EPB41L4A: variants seen among roughly 807,000 people sequenced by gnomAD.
EPB41L4A encodes erythrocyte membrane protein band 4.1 like 4A.
EPB41L4A carries 100 observed loss-of-function variants against 108.6 expected under a neutral mutation model. That is an observed-to-expected ratio of 0.92 (90% CI 0.78 to 1.09). EPB41L4A has a LOEUF of 1.09. Ranked by LOEUF, EPB41L4A falls within the 50% of genes least tolerant of loss-of-function variation. The probability of loss-of-function intolerance (pLI) is 0.00; values close to 1 mark genes in which losing one functional copy is unlikely to be tolerated. For synonymous variants in EPB41L4A, 319 were observed against 289.0 expected (o/e 1.10, Z -1.05); for missense variants, 1,030 against 842.7 (o/e 1.22, Z -2.75).
intron 17 of EPB41L4A, among the ~76,000 whole-genome samples, chr5:112,192,570 T>C (rs1761758332): frequency 6.6e-6 from 1 of 152,192 alleles, no homozygotes; most frequent in South Asian, 2.1e-4. Flanking sequence ...TATTCTAAAA[T>C]ATACTTTTTA....
At chr5:112,328,308 C>T (rs562695300) in intron 1 of EPB41L4A, among the ~76,000 whole-genome samples, 2 of 150,408 alleles carry the variant, frequency 1.3e-5, no homozygotes, top group South Asian at 4.2e-4. Flanking sequence ...GACTCCGACA[C>T]AAAAAAAATA....
intron 1 of EPB41L4A, among the ~76,000 whole-genome samples, chr5:112,340,548 A>G (rs1413740722): frequency 6.6e-6 from 1 of 152,220 alleles, no homozygotes; most frequent in South Asian, 2.1e-4. Flanking sequence ...ACTTCCTTCA[A>G]TAAGGAAATA....
At chr5:112,228,673 G>A (rs1748645501) in intron 12 of EPB41L4A, 1 of 981,790 alleles carries the variant, frequency 1.0e-6, no homozygotes, top group Non-Finnish European at 1.2e-6. Flanking sequence ...CCTACTTACA[G>A]CAGAGACGAT....
intron 1 of EPB41L4A, among the ~76,000 whole-genome samples, chr5:112,324,636 T>A (rs920165855): frequency 6.7e-6 from 1 of 148,842 alleles, no homozygotes; most frequent in African/African-American, 2.5e-5. Flanking sequence ...GGCAGGAGAA[T>A]CACTTGAACC....
At chr5:112,166,354 A>T (rs1580351868) in intron 22 of EPB41L4A, among the ~76,000 whole-genome samples, 2 of 152,294 alleles carry the variant, frequency 1.3e-5, no homozygotes, top group South Asian at 4.1e-4. Flanking sequence ...ACTTGGAATA[A>T]AACAGTAAGA....
At chr5:112,293,627 T>C (rs1753801036) in intron 2 of EPB41L4A, among the ~76,000 whole-genome samples, 1 of 152,210 alleles carries the variant, frequency 6.6e-6, no homozygotes, top group Non-Finnish European at 1.5e-5. Flanking sequence ...AGAGCCGTTT[T>C]TGAGTCCGTG....
intron 6 of EPB41L4A, chr5:112,264,229 T>C (rs1213542506): frequency 6.6e-6 from 1 of 152,210 alleles, no homozygotes; most frequent in Non-Finnish European, 1.5e-5. Flanking sequence ...AAAATAACTA[T>C]AATGAAATTA....
At chr5:112,401,806 A>G (rs898807422) in intron 1 of EPB41L4A, among the ~76,000 whole-genome samples, 1 of 152,214 alleles carries the variant, frequency 6.6e-6, no homozygotes, top group African/African-American at 2.4e-5. Flanking sequence ...GTAAAACCTC[A>G]AGATACACTA....
chr5:112,384,955 T>C (rs1460889791), intron 1 of EPB41L4A, among the ~76,000 whole-genome samples: 1 of 152,248 alleles, frequency 6.6e-6, no homozygotes, highest in African/African-American at 2.4e-5. Context: ...TTGCCAGTCC[T>C]GATCACTGCA....
chr5:112,262,418 C>T (rs1169914134), intron 7 of EPB41L4A, 76 bp downstream of exon 7: 1 of 1,228,530 alleles, frequency 8.1e-7, no homozygotes, highest in Non-Finnish European at 1.2e-6. Context: ...TGCAGCTTTC[C>T]TTTGGGAGTC....
chr5:112,171,060 T>C, intron 18 of EPB41L4A, 68 bp from the exon 19 acceptor site: 2 of 1,365,400 alleles, frequency 1.5e-6, no homozygotes, highest in Non-Finnish European at 2.1e-6. Context: ...TAACTAACTT[T>C]AATAGTTTTC....
intron 13 of EPB41L4A, chr5:112,143,951 A>G: frequency 2.3e-6 from 1 of 437,878 alleles, no homozygotes; most frequent in South Asian, 1.6e-5. Flanking sequence ...GCCTGGAATA[A>G]TAAATTATGC....
At chr5:112,210,947 C>G (rs1056146567) in intron 12 of EPB41L4A, among the ~76,000 whole-genome samples, 1 of 151,958 alleles carries the variant, frequency 6.6e-6, no homozygotes, top group Non-Finnish European at 1.5e-5. Flanking sequence ...CACTAACCAC[C>G]GAGAATGTCA....
chr5:112,403,214 G>A (rs1013987352), intron 1 of EPB41L4A, among the ~76,000 whole-genome samples: 1 of 151,916 alleles, frequency 6.6e-6, no homozygotes, highest in Non-Finnish European at 1.5e-5. Context: ...CTATGACACT[G>A]TCAAAACCTG....
chr5:112,348,114 T>TAGGTAGTGTA (rs1757804470), intron 1 of EPB41L4A, among the ~76,000 whole-genome samples: 1 of 152,196 alleles, frequency 6.6e-6, no homozygotes, highest in African/African-American at 2.4e-5. Context: ...GTGCCCTACC[T>TAGGTAGTGTA]ATTACACTTT....
At chr5:112,199,882 C>G (rs531910449) in intron 15 of EPB41L4A, among the ~76,000 whole-genome samples, 2 of 152,298 alleles carry the variant, frequency 1.3e-5, no homozygotes, top group African/African-American at 4.8e-5. Flanking sequence ...CTCCCATTCT[C>G]TATTGCTAGG....
At chr5:112,399,779 C>CA (rs1272177224) in intron 1 of EPB41L4A, among the ~76,000 whole-genome samples, 4 of 152,202 alleles carry the variant, frequency 2.6e-5, no homozygotes, top group African/African-American at 9.6e-5. Context: ...CAACTGTATG[C>CA]AAGCTGATAC....
chr5:112,238,679 C>T (rs1356947593), intron 11 of EPB41L4A, among the ~76,000 whole-genome samples: 4 of 152,152 alleles, frequency 2.6e-5, no homozygotes, highest in Non-Finnish European at 5.9e-5. Context: ...CACTAGGTGG[C>T]ATCTCCCCAC....
chr5:112,346,215 C>CTTTTTTTTTTT (rs1479210695), intron 1 of EPB41L4A, among the ~76,000 whole-genome samples: 30 of 49,058 alleles, frequency 6.1e-4, no homozygotes, highest in Admixed American at 1.3e-3. Flanking sequence ...AGGTACATTG[C>CTTTTTTTTTTT]ATTTTTTTTT....
Sources: allele counts gnomAD v4.1 joint callset (sites outside exome capture counted in the v4.1 genomes callset), GRCh38; gene constraint gnomAD v4.1.1; transcripts MANE v1.5; gene names NCBI Gene and HGNC (gene_info 2026-07-23, HGNC 2026-07-21).